Variants in ARK2N observed in about 807,000 individuals in gnomAD.
ARK2N encodes the protein arkadia (RNF111) N-terminal like PKA signaling regulator 2N.
At chr18:46,229,934 T>A in the ARK2N span, among the ~76,000 whole-genome samples, 3 of 149,588 alleles carry the variant, frequency 2.0e-5, no homozygotes, top group Admixed American at 6.7e-5. Context: ...TTTGTTTGTT[T>A]GTTTGTTTTT....
At chr18:46,253,670 G>T in the ARK2N span, 1 of 1,599,536 alleles carries the variant, frequency 6.3e-7, no homozygotes, top group East Asian at 2.2e-5. Flanking sequence ...TATAGTGCTT[G>T]TTTTTTTTCC....
At chr18:46,240,703 G>T in the ARK2N span, among the ~76,000 whole-genome samples, 1 of 151,958 alleles carries the variant, frequency 6.6e-6, no homozygotes, top group Non-Finnish European at 1.5e-5. Context: ...CTTTCTTTTA[G>T]TTTCTGTCTC....
At chr18:46,200,672 G>A in the ARK2N span, among the ~76,000 whole-genome samples, 1 of 152,176 alleles carries the variant, frequency 6.6e-6, no homozygotes. Flanking sequence ...GTAGGTAGCA[G>A]TATCCATGAA....
At chr18:46,256,328 T>C in the ARK2N span, among the ~76,000 whole-genome samples, 1 of 152,216 alleles carries the variant, frequency 6.6e-6, no homozygotes, top group Admixed American at 6.5e-5. Context: ...ATTGTTTCCT[T>C]ATGCCTAGAA....
chr18:46,203,059 A>G, the ARK2N span, among the ~76,000 whole-genome samples: 12 of 152,196 alleles, frequency 7.9e-5, no homozygotes, highest in African/African-American at 2.7e-4. Flanking sequence ...AAATTGATGG[A>G]AGCATTTGGG....
chr18:46,180,792 C>T, the ARK2N span, among the ~76,000 whole-genome samples: 2 of 151,942 alleles, frequency 1.3e-5, no homozygotes, highest in African/African-American at 4.8e-5. Flanking sequence ...TCTGAGTTTC[C>T]TTCCTGCTCT....
chr18:46,182,187 G>A, the ARK2N span, among the ~76,000 whole-genome samples: 19 of 152,168 alleles, frequency 1.2e-4, no homozygotes, highest in Non-Finnish European at 2.6e-4. Flanking sequence ...GCAGTATCCT[G>A]TCTGCCTTAG....
chr18:46,265,586 G>C, the ARK2N span: 1 of 152,240 alleles, frequency 6.6e-6, no homozygotes, highest in East Asian at 1.9e-4. Flanking sequence ...AGATGCAGAG[G>C]GGGAGGGGAA....
the ARK2N span, among the ~76,000 whole-genome samples, chr18:46,252,024 C>T: frequency 6.6e-6 from 1 of 151,978 alleles, no homozygotes; most frequent in South Asian, 2.1e-4. Flanking sequence ...GAAACCCCAT[C>T]TCTACTAAAA....
the ARK2N span, chr18:46,232,999 G>C: frequency 6.6e-6 from 1 of 152,024 alleles, no homozygotes; most frequent in Non-Finnish European, 1.5e-5. Context: ...TTCACATTAG[G>C]TGTTCCTGAA....
the ARK2N span, among the ~76,000 whole-genome samples, chr18:46,226,121 C>T: frequency 6.6e-6 from 1 of 152,132 alleles, no homozygotes; most frequent in African/African-American, 2.4e-5. Flanking sequence ...CATTATTCCA[C>T]ATGTCATTTA....
chr18:46,174,375 A>C, the ARK2N span: 1 of 151,790 alleles, frequency 6.6e-6, no homozygotes, highest in African/African-American at 2.4e-5. Flanking sequence ...CTACTGGTCG[A>C]GTTGGGGGGC....
chr18:46,187,761 T>G, the ARK2N span, among the ~76,000 whole-genome samples: 2 of 152,192 alleles, frequency 1.3e-5, no homozygotes, highest in African/African-American at 2.4e-5. Context: ...TTTCCTTGAT[T>G]TTTGGTGCTA....
chr18:46,216,562 G>A, the ARK2N span: 14 of 1,613,678 alleles, frequency 8.7e-6, no homozygotes, highest in Admixed American at 1.7e-5. The surrounding 1 kb of genome is among the most constrained non-coding windows in gnomAD (Gnocchi z 4.3). Flanking sequence ...AGAGGTTTCA[G>A]GGAGCAGCAA....
At chr18:46,235,219 C>T in the ARK2N span, among the ~76,000 whole-genome samples, 3 of 152,172 alleles carry the variant, frequency 2.0e-5, no homozygotes, top group Admixed American at 2.0e-4. Flanking sequence ...TATGAATACA[C>T]GCAAGCTGAT....
At chr18:46,263,285 G>A in the ARK2N span, 13 of 593,870 alleles carry the variant, frequency 2.2e-5, no homozygotes, top group Non-Finnish European at 3.3e-5. Flanking sequence ...TTAATTAAAA[G>A]AAGTCACTTA....
the ARK2N span, among the ~76,000 whole-genome samples, chr18:46,184,575 A>T: frequency 6.6e-6 from 1 of 152,212 alleles, no homozygotes; most frequent in Admixed American, 6.5e-5. Flanking sequence ...TACAAAAATT[A>T]GCCTGGCTTG....
At chr18:46,186,533 C>T in the ARK2N span, among the ~76,000 whole-genome samples, 1 of 117,222 alleles carries the variant, frequency 8.5e-6, no homozygotes. Context: ...GAGACGGAGT[C>T]TCGCTCTGTT....
chr18:46,208,767 C>T, the ARK2N span, among the ~76,000 whole-genome samples: 1 of 152,062 alleles, frequency 6.6e-6, no homozygotes, highest in Non-Finnish European at 1.5e-5. Flanking sequence ...ATGCCCGGCT[C>T]TGTTCTTAAA....
Sources: allele counts gnomAD v4.1 joint callset (sites outside exome capture counted in the v4.1 genomes callset), GRCh38; gene constraint gnomAD v4.1.1; non-coding constraint Gnocchi (gnomAD v3.1); transcripts MANE v1.5; gene names NCBI Gene and HGNC (gene_info 2026-07-23, HGNC 2026-07-21).